Variants in PSPH observed in about 807,000 individuals in gnomAD.
The protein encoded by PSPH is phosphoserine phosphatase.
Under a neutral mutation model 23.4 loss-of-function variants are expected in PSPH, and 16 were observed. The observed-to-expected ratio is 0.68, with a 90% CI of 0.46 to 1.04. The LOEUF (loss-of-function observed/expected upper bound fraction) is 1.04. PSPH is among the 50% of genes least tolerant of loss of function. The pLI, the probability that PSPH is intolerant of heterozygous loss-of-function variation, is 0.00. For synonymous variants in PSPH, 68 were observed against 99.7 expected, an observed-to-expected ratio of 0.68 and a Z score of 1.89; for missense variants, 223 against 273.7, an observed-to-expected ratio of 0.81 and a Z score of 1.31.
chr7:56,048,543 A>G (rs1362857313), intron 1 of PSPH, among the ~76,000 whole-genome samples: 2 of 152,218 alleles, frequency 1.3e-5, no homozygotes, highest in African/African-American at 4.8e-5. Flanking sequence ...TGGATCCGGC[A>G]TCACTGTAAT....
intron 6 of PSPH, 127 bp from the exon 7 acceptor site, chr7:56,015,298 A>G (rs1160133805): frequency 1.9e-6 from 2 of 1,035,466 alleles, no homozygotes; most frequent in Admixed American, 1.8e-5. Context: ...CGGTAAAGTC[A>G]CACAGCCTGG....
At position 56,015,009 on chromosome 7, in the gene PSPH, C is replaced by T. The variant is rs773961687; in HGVS notation, c.570+14G>A. 9.3e-6 allele frequency: 15 copies of T among 1,612,566 alleles called. 1 individual carries two copies. The South Asian group carries it at 1.3e-4, about 14-fold the overall frequency. The stretch of plus-strand genomic sequence containing the variant: ...AGTACAACCTGAAAAAAAATTAGCA[C>T]CCTTAATACATACAGCAGGAGGACA... On this transcript the variant is annotated intron_variant, in intron 7 of 7. Transcript: ENST00000275605.
chr7:56,032,647 G>A (rs1445524760), intron 2 of PSPH, among the ~76,000 whole-genome samples: 1 of 138,206 alleles, frequency 7.2e-6, no homozygotes, highest in Non-Finnish European at 1.5e-5. Flanking sequence ...GTGACAGAGC[G>A]AGTCTCAAAA....
At chr7:56,037,103 G>A (rs1791825368) in intron 1 of PSPH, among the ~76,000 whole-genome samples, 1 of 151,294 alleles carries the variant, frequency 6.6e-6, no homozygotes, top group Admixed American at 6.6e-5. Context: ...GAACCCGGGA[G>A]GCAGAGGTTG....
intron 1 of PSPH, among the ~76,000 whole-genome samples, chr7:56,043,413 T>C (rs545537203): frequency 2.0e-5 from 3 of 151,932 alleles, no homozygotes; most frequent in African/African-American, 4.8e-5. Context: ...AGCTACTAGG[T>C]AGGCTGAGGT....
intron 1 of PSPH, among the ~76,000 whole-genome samples, chr7:56,048,809 TTTGC>T (rs1182378379): frequency 6.6e-6 from 1 of 150,868 alleles, no homozygotes; most frequent in Non-Finnish European, 1.5e-5. Context: ...TTTTTTTTTT[TTTGC>T]TTTAAGTTCA....
chr7:56,047,870 G>A (rs1216464187), intron 1 of PSPH, among the ~76,000 whole-genome samples: 2 of 152,134 alleles, frequency 1.3e-5, no homozygotes, highest in Admixed American at 6.6e-5. Context: ...GTTGCACCAT[G>A]TTGGCCAGGA....
intron 1 of PSPH, among the ~76,000 whole-genome samples, chr7:56,042,373 G>C (rs563775203): frequency 1.3e-5 from 2 of 152,152 alleles, no homozygotes; most frequent in East Asian, 3.9e-4. Context: ...GAAGGGAGCC[G>C]GGCACAGTGA....
intron 1 of PSPH, among the ~76,000 whole-genome samples, chr7:56,034,920 T>TGG (rs148497790): frequency 3.3e-4 from 49 of 150,514 alleles, no homozygotes; most frequent in African/African-American, 7.5e-4. Flanking sequence ...TAAATAGAGA[T>TGG]GGGGGGGGGT....
chr7:56,050,626 G>C (rs1203673946), intron 1 of PSPH, among the ~76,000 whole-genome samples: 1 of 152,120 alleles, frequency 6.6e-6, no homozygotes, highest in Non-Finnish European at 1.5e-5. Flanking sequence ...CTTCCCATTA[G>C]TCTTGATATG....
chr7:56,048,833 G>A (rs1452998596), intron 1 of PSPH, among the ~76,000 whole-genome samples: 1 of 140,894 alleles, frequency 7.1e-6, no homozygotes, highest in Non-Finnish European at 1.5e-5. Context: ...AGGGATATAT[G>A]TGCAGAATGA....
chr7:56,012,760 A>AT (rs1269514736), intron 7 of PSPH, among the ~76,000 whole-genome samples: 1 of 146,830 alleles, frequency 6.8e-6, no homozygotes, highest in Non-Finnish European at 1.5e-5. Context: ...CCTGTCTCTA[A>AT]TTTTTTTGTA....
At chr7:56,037,005 C>T (rs557550991) in intron 1 of PSPH, among the ~76,000 whole-genome samples, 1 of 152,144 alleles carries the variant, frequency 6.6e-6, no homozygotes, top group South Asian at 2.1e-4. Context: ...GAAACCCCAT[C>T]TCAACTAAAA....
At chr7:56,024,330 GC>G (rs1398429734) in intron 3 of PSPH, among the ~76,000 whole-genome samples, 1 of 150,742 alleles carries the variant, frequency 6.6e-6, no homozygotes, top group Non-Finnish European at 1.5e-5. Flanking sequence ...TTCCATCATG[GC>G]CTCTTGAGTA....
chr7:56,027,226 A>G (rs930965464), intron 3 of PSPH, among the ~76,000 whole-genome samples: 3 of 151,810 alleles, frequency 2.0e-5, no homozygotes, highest in Non-Finnish European at 4.4e-5. Context: ...AAAAAAAAAA[A>G]AAGAAGATGC....
chr7:56,036,635 A>C (rs1268890333), intron 1 of PSPH, among the ~76,000 whole-genome samples: 1 of 152,006 alleles, frequency 6.6e-6, no homozygotes, highest in Non-Finnish European at 1.5e-5. Flanking sequence ...TCTCTGAAAA[A>C]TTAATTAGTT....
intron 3 of PSPH, among the ~76,000 whole-genome samples, chr7:56,023,405 C>G (rs772929985): frequency 2.0e-5 from 3 of 151,794 alleles, no homozygotes; most frequent in Non-Finnish European, 4.4e-5. Flanking sequence ...ACTACAGGTG[C>G]GCACCACTAT....
Position 56,011,783 on chromosome 7 carries a change from C to A in PSPH, c.657G>T (p.Leu219=), listed in dbSNP as rs370825206. 1.2e-6 allele frequency: 2 copies of A among 1,612,728 alleles called. No homozygotes were observed. Among genetic ancestry groups the A allele is most frequent in the Non-Finnish European group, 1.7e-6 (2 of 1,178,798 alleles). The stretch of plus-strand genomic sequence containing the variant: ...GATGTTATTCTTCCAGTTCTCCCAG[C>A]AGCTCTACAAAATCAGTGATATACC... The part of the protein sequence containing the change: ...AKWYITDFVE[L]LGELEE Residue 219 remains leucine, a synonymous_variant, in exon 8 of 8, where the codon CTG becomes CTT. Coordinates refer to ENST00000275605, the MANE Select transcript of PSPH (RefSeq NM_004577.4).
intron 5 of PSPH, 102 bp downstream of exon 5, chr7:56,019,498 A>T: frequency 7.2e-7 from 1 of 1,397,692 alleles, no homozygotes; most frequent in Non-Finnish European, 9.6e-7. Flanking sequence ...AAAATAAATA[A>T]ACCACCCAGA....
Sources: gnomAD v4.1 joint callset for allele counts (sites outside exome capture counted in the v4.1 genomes callset) on GRCh38, gnomAD v4.1.1 for gene constraint, MANE v1.5 for transcripts, NCBI Gene and HGNC (gene_info 2026-07-23, HGNC 2026-07-21) for gene names.